Variants in SVOP observed in about 807,000 individuals in gnomAD.
The protein encoded by SVOP is synaptic vesicle 2-related protein.
SVOP carries 17 observed loss-of-function variants against 69.1 expected under a neutral mutation model. The ratio of observed to expected loss-of-function variants is 0.25; its 90% confidence interval spans 0.17 to 0.37. SVOP has a LOEUF of 0.37. Among genes scored for constraint, SVOP ranks in the 10% least tolerant of loss-of-function variants. The probability of loss-of-function intolerance (pLI) is 1.00; values close to 1 mark genes in which losing one functional copy is unlikely to be tolerated. For synonymous variants in SVOP, 238 were observed against 238.6 expected (o/e 1.00, Z 0.02); for missense variants, 435 against 597.5 (o/e 0.73, Z 2.84).
At chr12:108,918,922 G>A (rs1289980664) in intron 13 of SVOP, among the ~76,000 whole-genome samples, 1 of 152,072 alleles carries the variant, frequency 6.6e-6, no homozygotes, top group Non-Finnish European at 1.5e-5. Flanking sequence ...CAGTTGTGAG[G>A]CAGCCATGAC....
chr12:108,969,741 C>A, intron 5 of SVOP, among the ~76,000 whole-genome samples: 1 of 143,986 alleles, frequency 6.9e-6, no homozygotes, highest in East Asian at 2.4e-4. Flanking sequence ...CTTCCTCTCT[C>A]CTGTCCTTAA....
intron 7 of SVOP, among the ~76,000 whole-genome samples, chr12:108,942,260 G>A (rs1198858295): frequency 6.6e-6 from 1 of 152,162 alleles, no homozygotes; most frequent in Non-Finnish European, 1.5e-5. Context: ...CAGACACTCG[G>A]GTTGCTTCCA....
At chr12:108,959,630 A>G (rs956257524) in intron 6 of SVOP, among the ~76,000 whole-genome samples, 5 of 152,170 alleles carry the variant, frequency 3.3e-5, no homozygotes, top group African/African-American at 7.2e-5. Context: ...CTGAGATTAC[A>G]GGCATGAGCC....
chr12:108,940,675 T>C (rs1274898038), intron 8 of SVOP, 109 bp downstream of exon 8: 6 of 1,437,192 alleles, frequency 4.2e-6, no homozygotes, highest in Non-Finnish European at 4.6e-6. Flanking sequence ...TTAAAAAAAA[T>C]AATCTTGAAA....
At chr12:108,995,294 A>G (rs190305015) in intron 1 of SVOP, among the ~76,000 whole-genome samples, 5 of 152,388 alleles carry the variant, frequency 3.3e-5, no homozygotes, top group African/African-American at 1.2e-4. Context: ...AACAATATAT[A>G]CAATAGAATA....
intron 1 of SVOP, among the ~76,000 whole-genome samples, chr12:109,006,299 T>C (rs1279115916): frequency 6.6e-6 from 1 of 152,160 alleles, no homozygotes; most frequent in Non-Finnish European, 1.5e-5. Context: ...ATGATCTGCC[T>C]ACCTGGGCCT....
intron 1 of SVOP, among the ~76,000 whole-genome samples, chr12:108,992,070 C>T (rs1157937279): frequency 1.3e-5 from 2 of 152,086 alleles, no homozygotes; most frequent in Non-Finnish European, 2.9e-5. Context: ...CAAATACCCT[C>T]CCCCAACAAT....
chr12:108,958,725 T>C (rs2039999797), intron 6 of SVOP, among the ~76,000 whole-genome samples: 1 of 152,138 alleles, frequency 6.6e-6, no homozygotes, highest in African/African-American at 2.4e-5. Context: ...CTGAGTCCCT[T>C]GCAGAAGTTG....
intron 5 of SVOP, among the ~76,000 whole-genome samples, chr12:108,967,661 A>G (rs1032412623): frequency 1.3e-5 from 2 of 152,176 alleles, no homozygotes; most frequent in South Asian, 2.1e-4. Context: ...AGCACCGCCA[A>G]CATCTTGGAC....
intron 1 of SVOP, among the ~76,000 whole-genome samples, chr12:109,008,960 C>CTTTTT (rs71079510): frequency 2.5e-3 from 284 of 112,680 alleles, no homozygotes; most frequent in Non-Finnish European, 3.1e-3. Flanking sequence ...TCTTTTCTTT[C>CTTTTT]TTTTTTTTTT....
intron 7 of SVOP, among the ~76,000 whole-genome samples, chr12:108,943,366 G>GGT (rs2039903613): frequency 6.6e-6 from 1 of 151,954 alleles, no homozygotes; most frequent in Non-Finnish European, 1.5e-5. Context: ...GGGAGGCCGA[G>GGT]GTGGGTGGCT....
intron 13 of SVOP, among the ~76,000 whole-genome samples, chr12:108,919,050 C>T (rs2039731959): frequency 1.3e-5 from 2 of 151,784 alleles, no homozygotes; most frequent in Non-Finnish European, 2.9e-5. Context: ...GCAACCTGGG[C>T]CGGCACCCAC....
intron 4 of SVOP, among the ~76,000 whole-genome samples, chr12:108,974,282 G>A (rs1185748408): frequency 6.6e-6 from 1 of 152,104 alleles, no homozygotes; most frequent in Non-Finnish European, 1.5e-5. Context: ...CACTCATTAA[G>A]GGATACATTT....
chr12:108,925,338 T>A (rs981997008), intron 11 of SVOP, among the ~76,000 whole-genome samples: 5 of 152,134 alleles, frequency 3.3e-5, no homozygotes, highest in Non-Finnish European at 7.4e-5. Flanking sequence ...GGAGGTTCGG[T>A]TCAGTAATAC....
At chr12:109,009,758 G>C (rs2040330679) in intron 1 of SVOP, among the ~76,000 whole-genome samples, 1 of 152,066 alleles carries the variant, frequency 6.6e-6, no homozygotes. Context: ...TCTCCTAGGG[G>C]CATCGGCAAT....
intron 11 of SVOP, among the ~76,000 whole-genome samples, chr12:108,927,410 T>G (rs1482800578): frequency 6.6e-6 from 1 of 152,166 alleles, no homozygotes; most frequent in Non-Finnish European, 1.5e-5. Flanking sequence ...GAGGCATGAT[T>G]TTACCTTTTG....
chr12:108,949,667 C>T (rs2039943818), intron 6 of SVOP, among the ~76,000 whole-genome samples: 1 of 152,002 alleles, frequency 6.6e-6, no homozygotes, highest in South Asian at 2.1e-4. Flanking sequence ...TTCCCTCTCT[C>T]CTACCTTTTC....
intron 1 of SVOP, among the ~76,000 whole-genome samples, chr12:109,002,658 G>A (rs1312489839): frequency 1.3e-5 from 2 of 151,726 alleles, no homozygotes; most frequent in Admixed American, 1.3e-4. Flanking sequence ...GTCCTTTGTA[G>A]GGACATGGAT....
chr12:108,956,323 G>A (rs1168357584), intron 6 of SVOP, among the ~76,000 whole-genome samples: 2 of 148,082 alleles, frequency 1.4e-5, no homozygotes, highest in East Asian at 2.0e-4. Flanking sequence ...AAAAGAATTA[G>A]CATTACCCTT....
Sources: allele counts gnomAD v4.1 joint callset (sites outside exome capture counted in the v4.1 genomes callset), GRCh38; gene constraint gnomAD v4.1.1; transcripts MANE v1.5; gene names NCBI Gene and HGNC (gene_info 2026-07-23, HGNC 2026-07-21).